The following PRSS16 variants were observed in gnomAD, a reference collection of about 807,000 sequenced individuals.
PRSS16 encodes the protein serine protease 16, also known as thymus-specific serine protease.
Under a neutral mutation model 61.7 loss-of-function variants are expected in PRSS16, and 43 were observed. That is an observed-to-expected ratio of 0.70 (90% CI 0.55 to 0.90). The LOEUF (loss-of-function observed/expected upper bound fraction) is 0.90, where lower values mean the gene tolerates loss of function less well. PRSS16 is among the 40% of genes least tolerant of loss of function. The probability of loss-of-function intolerance (pLI) is 0.00; values close to 1 mark genes in which losing one functional copy is unlikely to be tolerated. For missense variants in PRSS16, 591 were observed against 659.1 expected (o/e 0.90, Z 1.13); for synonymous variants, 273 against 285.2 (o/e 0.96, Z 0.43).
Position 27,251,779 on chromosome 6 carries a change from T to C in PRSS16, c.747T>C (p.Ala249=). 1 of 1,608,326 alleles carries C rather than the reference T, an allele frequency of 6.2e-7. No individual in the cohort carries two copies. Among genetic ancestry groups the C allele is most frequent in the Non-Finnish European group, 8.5e-7 (1 of 1,178,760 alleles). Residue 249 remains alanine (A), a synonymous_variant, in exon 8 of 12, where the codon GCT becomes GCC. Coordinates refer to ENST00000230582, the MANE Select transcript of PRSS16 (RefSeq NM_005865.4). The surrounding 1 kb of genome is among the most constrained non-coding windows in gnomAD (Gnocchi z 5.6). ...ECRAAVSVAF[A]EVERRLRSGG... ...GGGCGGCGGTGTCCGTCGCCTTCGC[T>C]GAAGTGGAGCGGCGGCTGCGCTCGG...
chr6:27,251,679 C>T lies in PRSS16; in HGVS notation c.718-71C>T, dbSNP rs1394617300. On this transcript the variant is annotated intron_variant, in intron 7 of 11. Transcript: ENST00000230582. This position sits in a 1 kb window ranked among gnomAD's most constrained non-coding sequence, Gnocchi z 5.6. The stretch of plus-strand genomic sequence containing the variant: ...GGGAAAGTGGGGAACCCAAGGAGGA[C>T]GCAGGTCCTGGGTAGGGAAAGCCGA... 6 of 1,517,014 alleles carry T rather than the reference C, an allele frequency of 4.0e-6. No homozygotes were observed. Among genetic ancestry groups the T allele is most frequent in the Non-Finnish European group, 5.2e-6 (6 of 1,144,170 alleles). 94.0% of individuals were successfully genotyped at this position (1,517,014 alleles called of 1,614,324 possible). A position where few individuals can be genotyped will look rare whatever the true frequency, so the allele number is the denominator to read the frequency against.
chr6:27,255,319 TCATAC>T lies in PRSS16; in HGVS notation c.*6_*10del. 6.2e-7 allele frequency: 1 copy of T among 1,603,264 alleles called. No homozygotes were observed. Among genetic ancestry groups the T allele is most frequent in the Non-Finnish European group, 8.5e-7 (1 of 1,172,580 alleles). On this transcript the variant is annotated 3_prime_UTR_variant, in exon 12 of 12. Coordinates refer to ENST00000230582, the MANE Select transcript of PRSS16 (RefSeq NM_005865.4). This position sits in a 1 kb window ranked among gnomAD's most constrained non-coding sequence, Gnocchi z 4.4. ...CCAGATTAAGGGTGAAGTCTGAATC[TCATAC>T]CCTTTCCACTCCCTGCATGGTCACC...
Position 27,254,814 on chromosome 6 carries a change from G to A in PRSS16, c.1272G>A (p.Gln424=). Residue 424 remains glutamine (Q), a synonymous_variant, in exon 10 of 12, where the codon CAG becomes CAA. Transcript: ENST00000230582. ...SALSVAQAVA[Q]TNSYYGGQTP... is the part of the protein sequence containing the mutation. ...TGTCAGTAGCCCAGGCTGTGGCTCAGACGAACTCCTACTACGGTGGCCAGA... is the reference window on the plus strand; with the variant it reads ...TGTCAGTAGCCCAGGCTGTGGCTCAAACGAACTCCTACTACGGTGGCCAGA... The A allele has an allele frequency of 6.2e-7, 1 of 1,614,240 alleles. No homozygotes were observed.
intron 2 of PRSS16, 106 bp downstream of exon 2, chr6:27,248,154 C>A: frequency 7.8e-7 from 1 of 1,276,468 alleles, no homozygotes; most frequent in East Asian, 2.6e-5. Context: ...CTCAGTTCTC[C>A]CCATCCCTCT....
intron 2 of PRSS16, 91 bp from the exon 3 acceptor site, chr6:27,248,756 C>T: frequency 1.2e-6 from 1 of 805,902 alleles, no homozygotes; most frequent in Non-Finnish European, 2.0e-6. Flanking sequence ...AAGGAAAGAT[C>T]CATTAGGAAG....
In PRSS16 at chr6:27,249,083, C is replaced by T. The variant is rs368038184; in HGVS notation, c.338-17C>T. 8.3e-6 allele frequency: 5 copies of T among 604,852 alleles called. No individual in the cohort carries two copies. The highest frequency in any genetic ancestry group is 1.1e-5 in the Non-Finnish European group (4 of 355,016). The allele number at this position is 604,852 out of a possible 1,614,324, so 37.5% of individuals were successfully genotyped here. A position where few individuals can be genotyped will look rare whatever the true frequency, so the allele number is the denominator to read the frequency against. The stretch of plus-strand genomic sequence containing the variant: ...TGCATCTCACCTCCCCACCCCCCAC[C>T]CATACACTCTTCACAGGCCATCCCG... On this transcript the variant is annotated splice_polypyrimidine_tract_variant and intron_variant, in intron 3 of 11. Transcript: ENST00000230582.
rs758397772 is a variant in PRSS16 at position 27,248,893 on chromosome 6, T to C, written c.284T>C (p.Ile95Thr). The C allele has an allele frequency of 6.2e-7, 1 of 1,613,020 alleles. No homozygotes were observed. Among genetic ancestry groups the C allele is most frequent in the Admixed American group, 1.7e-5 (1 of 59,894 alleles). ...CATTGGGTTGGCCAGGATGGACCCATATTCCTGCATCTAGGGGGTGAGGGC... is the reference window on the plus strand; with the variant it reads ...CATTGGGTTGGCCAGGATGGACCCACATTCCTGCATCTAGGGGGTGAGGGC... The part of the protein sequence containing the change: ...DQHWVGQDGP[I>T]FLHLGGEGSL... The change falls in exon 3 of 12, where the codon ATA becomes ACA. Residue 95 changes from isoleucine (I) to threonine (T), a missense_variant. Transcript: ENST00000230582.
Position 27,252,848 on chromosome 6 carries a change from C to G in PRSS16, c.1049C>G (p.Ser350Cys), listed in dbSNP as rs1020532412. ...CTGGGCCAGAAGTGTTTAAGCTTTT[C>G]CCGAGCAGAGACAGTGGCACAGCTG... is the stretch of plus-strand genomic sequence containing the variant. ...HSLGQKCLSF[S>C]RAETVAQLRS... Residue 350 changes from serine to cysteine, a missense_variant, in exon 9 of 12, where the codon TCC becomes TGC. Physicochemically the swap from Ser to Cys is moderately radical, Grantham distance 112. Transcript: ENST00000230582. The surrounding 1 kb of genome is among the most constrained non-coding windows in gnomAD (Gnocchi z 4.2). 3 of 1,614,000 alleles carry G rather than the reference C, an allele frequency of 1.9e-6. No individual in the cohort carries two copies. In the African/African-American group the frequency reaches 4.0e-5, roughly 22 times the overall value.
Position 27,252,315 on chromosome 6 carries a change from C to G in PRSS16, c.1008+275C>G. 1 of 466,628 alleles carries G rather than the reference C, an allele frequency of 2.1e-6. No individual in the cohort carries two copies. The highest frequency in any genetic ancestry group is 3.4e-5 in the East Asian group (1 of 29,598). 28.9% of individuals were successfully genotyped at this position (466,628 alleles called of 1,614,324 possible). A position where few individuals can be genotyped will look rare whatever the true frequency, so the allele number is the denominator to read the frequency against. ...GTCCTGTTCTCTTTTGGGGGGCCTG[C>G]AGGAGTGCCTGGCACATGGCAAATT... is the stretch of plus-strand genomic sequence containing the variant. On this transcript the variant is annotated intron_variant, in intron 8 of 11. Coordinates refer to ENST00000230582, the MANE Select transcript of PRSS16 (RefSeq NM_005865.4). This position sits in a 1 kb window ranked among gnomAD's most constrained non-coding sequence, Gnocchi z 4.2.
intron 4 of PRSS16, among the ~76,000 whole-genome samples, chr6:27,250,041 G>C (rs761851949): frequency 5.9e-5 from 9 of 152,048 alleles, no homozygotes; most frequent in Non-Finnish European, 1.2e-4. Context: ...ATCTCTGTCT[G>C]TGTCTGTAAC....
chr6:27,250,954 G>C, intron 5 of PRSS16, 88 bp from the exon 6 acceptor site: 9 of 1,585,126 alleles, frequency 5.7e-6, no homozygotes, highest in Non-Finnish European at 5.2e-6. Context: ...AAGAGCCCGA[G>C]ATTACACAGC....
rs1436549548 is a variant in PRSS16, at chr6:27,251,766, C to A, written c.734C>A (p.Ser245Tyr). ...TTCCCACAGTGCCGGGCGGCGGTGTCCGTCGCCTTCGCTGAAGTGGAGCGG... is the reference window on the plus strand; with the variant it reads ...TTCCCACAGTGCCGGGCGGCGGTGTACGTCGCCTTCGCTGAAGTGGAGCGG... Reference protein sequence around the residue: ...GGSLECRAAVSVAFAEVERRL... With the variant: ...GGSLECRAAVYVAFAEVERRL... The change falls in exon 8 of 12, where the codon TCC becomes TAC. Residue 245 changes from serine (S) to tyrosine (Y), a missense_variant. By Grantham distance (144) the Ser-to-Tyr change is moderately radical. Transcript: ENST00000230582. The surrounding 1 kb of genome is among the most constrained non-coding windows in gnomAD (Gnocchi z 5.6). 3 of 1,605,316 alleles carry A rather than the reference C, an allele frequency of 1.9e-6. No homozygotes were observed. Among genetic ancestry groups the A allele is most frequent in the African/African-American group, 1.3e-5 (1 of 74,514 alleles).
In PRSS16 at chr6:27,256,122, A is replaced by G. The variant is rs1760025104; in HGVS notation, c.*807A>G. 6.6e-6 allele frequency: 1 copy of G among 152,140 alleles called. No individual in the cohort carries two copies. The highest frequency in any genetic ancestry group is 1.5e-5 in the Non-Finnish European group (1 of 68,154). The allele number at this position is 152,140 out of a possible 1,614,324, so 9.4% of individuals were successfully genotyped here. ...AATCTCTCTGTCTCCCTGAGGCTCTATTTCTGTCTCTGATGCTCTTCTTCT... is the reference window on the plus strand; with the variant it reads ...AATCTCTCTGTCTCCCTGAGGCTCTGTTTCTGTCTCTGATGCTCTTCTTCT... On this transcript the variant is annotated 3_prime_UTR_variant, in exon 12 of 12. Coordinates refer to ENST00000230582, the MANE Select transcript of PRSS16 (RefSeq NM_005865.4).
chr6:27,247,836 C>A, intron 1 of PRSS16, 29 bp downstream of exon 1: 1 of 1,613,608 alleles, frequency 6.2e-7, no homozygotes, highest in Non-Finnish European at 8.5e-7. Context: ...TCAAGCAGGG[C>A]ATCCTAAGGG....
At chr6:27,253,342 T>G (rs1316503484) in intron 9 of PRSS16, 1 of 333,206 alleles carries the variant, frequency 3.0e-6, no homozygotes, top group Non-Finnish European at 6.0e-6. Flanking sequence ...CTGTAGTCCA[T>G]CCCTTGTGCT....
chr6:27,251,786 G>A lies in PRSS16; in HGVS notation c.754G>A (p.Glu252Lys), dbSNP rs1449814995. ...AAVSVAFAEV[E>K]RRLRSGGAAQ... ...GGTGTCCGTCGCCTTCGCTGAAGTG[G>A]AGCGGCGGCTGCGCTCGGGTGGGGC... The change falls in exon 8 of 12, where the codon GAG (glutamate) becomes AAG (lysine). Residue 252 changes from glutamate to lysine, a missense_variant. Transcript: ENST00000230582. This position sits in a 1 kb window ranked among gnomAD's most constrained non-coding sequence, Gnocchi z 5.6. The A allele has an allele frequency of 1.9e-6, 3 of 1,608,840 alleles. No homozygotes were observed. Among genetic ancestry groups the A allele is most frequent in the Non-Finnish European group, 2.5e-6 (3 of 1,179,066 alleles).
intron 9 of PRSS16, chr6:27,253,526 A>G (rs778243098): frequency 8.9e-6 from 4 of 451,158 alleles, no homozygotes; most frequent in African/African-American, 4.0e-5. Flanking sequence ...ACTCAAAACC[A>G]CAGCTCCTCA....
chr6:27,250,914 C>T (rs1453814384), intron 5 of PRSS16, 108 bp downstream of exon 5: 2 of 1,557,834 alleles, frequency 1.3e-6, no homozygotes, highest in African/African-American at 2.7e-5. Flanking sequence ...TCCTCCCGCG[C>T]CCAAAGAATT....
chr6:27,252,682 CAGG>C lies in PRSS16; in HGVS notation c.1009-123_1009-121del. 2.9e-6 allele frequency: 3 copies of C among 1,020,588 alleles called. No homozygotes were observed. Among genetic ancestry groups the C allele is most frequent in the Admixed American group, 2.3e-5 (1 of 44,050 alleles). 63.2% of individuals were successfully genotyped at this position (1,020,588 alleles called of 1,614,324 possible). A position where few individuals can be genotyped will look rare whatever the true frequency, so the allele number is the denominator to read the frequency against. On this transcript the variant is annotated intron_variant, in intron 8 of 11. Coordinates refer to ENST00000230582, the MANE Select transcript of PRSS16 (RefSeq NM_005865.4). This position sits in a 1 kb window ranked among gnomAD's most constrained non-coding sequence, Gnocchi z 4.2. ...TCCACCCCCTCTGACCACTGACTCC[CAGG>C]AGAACTCAGGAACTCACCCTTCTAT...
Sources: gnomAD v4.1 joint callset for allele counts (sites outside exome capture counted in the v4.1 genomes callset) on GRCh38, gnomAD v4.1.1 for gene constraint, Gnocchi (gnomAD v3.1) non-coding constraint, MANE v1.5 for transcripts, NCBI Gene and HGNC (gene_info 2026-07-23, HGNC 2026-07-21) for gene names.